CUZD1: variants seen among roughly 807,000 people sequenced by gnomAD.
CUZD1 encodes CUB and zona pellucida like domains 1, also known as CUB and zona pellucida-like domain-containing protein 1.
CUZD1 carries 42 observed loss-of-function variants against 53.1 expected under a neutral mutation model. The observed-to-expected ratio is 0.79, with a 90% CI of 0.62 to 1.02. The LOEUF is 1.02. CUZD1 is among the 50% of genes least tolerant of loss of function. The pLI is 0.00. For missense variants in CUZD1, 670 were observed against 715.7 expected (o/e 0.94, Z 0.73); for synonymous variants, 238 against 257.2 (o/e 0.93, Z 0.71).
In CUZD1 at chr10:122,834,722, C is replaced by T. The variant is rs375930865; in HGVS notation, c.1366G>A (p.Asp456Asn). 39 of 1,606,216 alleles carry T rather than the reference C, an allele frequency of 2.4e-5. No individual in the cohort carries two copies. The highest frequency in any genetic ancestry group is 3.0e-5 in the Non-Finnish European group (35 of 1,175,528). The change falls in exon 7 of 9, where the codon GAC becomes AAC. Residue 456 changes from aspartate (D) to asparagine (N), a missense_variant. Physicochemically the swap from Asp to Asn is conservative, Grantham distance 23. Transcript: ENST00000392790. The part of the protein sequence containing the change: ...PTSDFASPTY[D>N]LIKSGCSRDE... Reference sequence around the variant, plus strand: ...AATACATACCCACTCTTGATTAGGTCGTAGGTTGGAGATGCAAAGTCAGAG... The same window carrying T: ...AATACATACCCACTCTTGATTAGGTTGTAGGTTGGAGATGCAAAGTCAGAG...
rs1847379187 is a variant in CUZD1 at position 122,843,623 on chromosome 10, A to G, written c.82+2139T>C. 2.6e-5 allele frequency among the ~76,000 whole-genome samples: 4 copies of G among 152,090 alleles called. No homozygotes were observed. The South Asian group carries it at 8.3e-4, about 32-fold the overall frequency. On this transcript the variant is annotated intron_variant, in intron 1 of 8. Coordinates refer to ENST00000392790, the MANE Select transcript of CUZD1 (RefSeq NM_022034.6). ...ACTGATACATGCTACAATACATACG[A>G]ACCTTGAAAATATTATGCTAAGTGA...
chr10:122,840,700 T>C (rs1045961149), intron 2 of CUZD1, among the ~76,000 whole-genome samples: 2 of 152,166 alleles, frequency 1.3e-5, no homozygotes, highest in Non-Finnish European at 2.9e-5. Flanking sequence ...AAATAAAATC[T>C]ATAAAATAAA....
In CUZD1 at chr10:122,832,219, G is replaced by T; in HGVS notation, c.*59C>A. ...TTATTCATAATATGTGTAGCCACGAGGTAGCATTTCCTTTGGCATCCTGGA... is the reference window on the plus strand; with the variant it reads ...TTATTCATAATATGTGTAGCCACGATGTAGCATTTCCTTTGGCATCCTGGA... On this transcript the variant is annotated 3_prime_UTR_variant, in exon 9 of 9. Transcript: ENST00000392790. 1 of 1,557,126 alleles carries T rather than the reference G, an allele frequency of 6.4e-7. No homozygotes were observed. The highest frequency in any genetic ancestry group is 8.8e-7 in the Non-Finnish European group (1 of 1,133,204).
chr10:122,843,975 A>G (rs1053550987), intron 1 of CUZD1, among the ~76,000 whole-genome samples: 3 of 148,304 alleles, frequency 2.0e-5, no homozygotes, highest in African/African-American at 7.4e-5. Context: ...TATAAAGACT[A>G]TATATAGACT....
chr10:122,837,551 A>G lies in CUZD1; in HGVS notation c.452T>C (p.Ile151Thr), dbSNP rs1274404735. The change falls in exon 4 of 9, where the codon ATT becomes ACT. Residue 151 changes from isoleucine (I) to threonine (T), a missense_variant. Transcript: ENST00000392790. ...FYYFFSPNIS[I>T]PNCGGYLDTL... ...ATCCAGGTAACCGCCACAGTTTGGA[A>G]TAGCTGAAATGGATGTGAAGGTGGT... is the stretch of plus-strand genomic sequence containing the variant. 2 of 1,564,860 alleles carry G rather than the reference A, an allele frequency of 1.3e-6. No individual in the cohort carries two copies. Among genetic ancestry groups the G allele is most frequent in the African/African-American group, 1.4e-5 (1 of 73,026 alleles).
At chr10:122,843,099 T>C (rs1847369172) in intron 1 of CUZD1, among the ~76,000 whole-genome samples, 1 of 152,222 alleles carries the variant, frequency 6.6e-6, no homozygotes, top group East Asian at 1.9e-4. Flanking sequence ...CCAGCAATTC[T>C]ATTGCTAGGC....
rs942793395 is a variant in CUZD1 at position 122,833,527 on chromosome 10, T to G, written c.1651+145A>C. The G allele has an allele frequency of 1.6e-5, 13 of 794,600 alleles. No individual in the cohort carries two copies. In the African/African-American group the frequency reaches 2.1e-4, roughly 13 times the overall value. 49.2% of individuals were successfully genotyped at this position (794,600 alleles called of 1,614,324 possible). On this transcript the variant is annotated intron_variant, in intron 8 of 8. Coordinates refer to ENST00000392790, the MANE Select transcript of CUZD1 (RefSeq NM_022034.6). ...ATTATCAACTGATGGAAATAAATAC[T>G]AATCCTATATACTTAAAATTCAACT...
chr10:122,835,446 C>A (rs1056127622), intron 6 of CUZD1, among the ~76,000 whole-genome samples: 2 of 152,108 alleles, frequency 1.3e-5, no homozygotes, highest in African/African-American at 2.4e-5. Context: ...GTGTGGCTAA[C>A]TGGGCAGTTT....
chr10:122,832,982 A>G (rs1566228255), intron 8 of CUZD1, among the ~76,000 whole-genome samples: 2 of 152,322 alleles, frequency 1.3e-5, no homozygotes, highest in Non-Finnish European at 2.9e-5. Context: ...TGTTTTTGCC[A>G]TAGAAATATT....
chr10:122,843,958 TAGACTATATAA>T (rs1847389111), intron 1 of CUZD1, among the ~76,000 whole-genome samples: 1 of 147,958 alleles, frequency 6.8e-6, no homozygotes, highest in Non-Finnish European at 1.5e-5. Context: ...ACTATATATA[TAGACTATATAA>T]AGACTATATA....
chr10:122,845,365 G>A (rs1012892813), intron 1 of CUZD1, among the ~76,000 whole-genome samples: 3 of 151,982 alleles, frequency 2.0e-5, no homozygotes, highest in East Asian at 3.9e-4. Flanking sequence ...GTGAGCCACC[G>A]CCCCCAGCCA....
Position 122,832,336 on chromosome 10 carries a change from A to C in CUZD1, c.1766T>G (p.Val589Gly). 6.2e-7 allele frequency: 1 copy of C among 1,614,160 alleles called. No homozygotes were observed. Among genetic ancestry groups the C allele is most frequent in the Non-Finnish European group, 8.5e-7 (1 of 1,179,994 alleles). The change falls in exon 9 of 9, where the codon GTG becomes GGG. Residue 589 changes from valine (V) to glycine (G), a missense_variant. Transcript: ENST00000392790. ...TGCCCGTTGATTTACAAAATGCCTCACTGTGATTGTCGCTACAGTCACCAC... is the reference window on the plus strand; with the variant it reads ...TGCCCGTTGATTTACAAAATGCCTCCCTGTGATTGTCGCTACAGTCACCAC... Reference protein sequence around the residue: ...LNVVTVATITVRHFVNQRADY... With the variant: ...LNVVTVATITGRHFVNQRADY...
chr10:122,836,164 G>C lies in CUZD1; in HGVS notation c.990+14C>G. The C allele has an allele frequency of 6.3e-7, 1 of 1,591,316 alleles. No homozygotes were observed. Among genetic ancestry groups the C allele is most frequent in the Non-Finnish European group, 8.5e-7 (1 of 1,171,292 alleles). Reference sequence around the variant, plus strand: ...AGCATTTGACAAAATCCAGCTATCAGTATTTCACTTTACCTTTCTGATTGT... The same window carrying C: ...AGCATTTGACAAAATCCAGCTATCACTATTTCACTTTACCTTTCTGATTGT... On this transcript the variant is annotated intron_variant, in intron 6 of 8. Transcript: ENST00000392790.
intron 1 of CUZD1, among the ~76,000 whole-genome samples, chr10:122,841,660 G>A (rs1468221327): frequency 6.6e-6 from 1 of 152,192 alleles, no homozygotes; most frequent in African/African-American, 2.4e-5. Context: ...TATGTTAAGT[G>A]TATATTTAAC....
In CUZD1 at chr10:122,836,949, A is replaced by G. The variant is rs1252264017; in HGVS notation, c.699T>C (p.Thr233=). ...AGTTTGATGACGATTCGAAGGTGGGAGTCACACGGCCACAGACTTGTCCAA... is the reference window on the plus strand; with the variant it reads ...AGTTTGATGACGATTCGAAGGTGGGGGTCACACGGCCACAGACTTGTCCAA... ...GLIGQVCGRV[T]PTFESSSNSL... Residue 233 remains threonine (T), a synonymous_variant, in exon 5 of 9, where the codon ACT becomes ACC. Transcript: ENST00000392790. The G allele has an allele frequency of 1.2e-6, 2 of 1,613,938 alleles. No individual in the cohort carries two copies. Among genetic ancestry groups the G allele is most frequent in the African/African-American group, 1.3e-5 (1 of 74,912 alleles).
chr10:122,839,329 G>A (rs1389357474), intron 2 of CUZD1, 98 bp from the exon 3 acceptor site: 2 of 1,026,400 alleles, frequency 1.9e-6, no homozygotes, highest in African/African-American at 3.2e-5. Context: ...TTTACAAAGT[G>A]GTGGCACATC....
At position 122,835,055 on chromosome 10, in the gene CUZD1, A is replaced by T; in HGVS notation, c.1033T>A (p.Ser345Thr). 1 of 1,606,670 alleles carries T rather than the reference A, an allele frequency of 6.2e-7. No homozygotes were observed. The highest frequency in any genetic ancestry group is 1.1e-5 in the South Asian group (1 of 89,488). Residue 345 changes from serine (S) to threonine (T), a missense_variant, in exon 7 of 9, where the codon TCT becomes ACT. Transcript: ENST00000392790. ...SITYTNIITF[S>T]ASSTSEVITR... ...ATCACTTCAGAAGTTGAGGATGCAG[A>T]AAAGGTGATTATATTGGTGTAAGTA...
At chr10:122,839,939 T>C (rs1179079110) in intron 2 of CUZD1, among the ~76,000 whole-genome samples, 2 of 152,258 alleles carry the variant, frequency 1.3e-5, no homozygotes, top group Non-Finnish European at 2.9e-5. Context: ...TTTTCTCATC[T>C]GTAAAATGGG....
At chr10:122,833,631 C>G (rs1478742299) in intron 8 of CUZD1, 41 bp downstream of exon 8, 2 of 1,592,756 alleles carry the variant, frequency 1.3e-6, no homozygotes, top group African/African-American at 2.7e-5. Flanking sequence ...ATTTTATGAG[C>G]CATGATGTGC....
Sources: gnomAD v4.1 joint callset for allele counts (sites outside exome capture counted in the v4.1 genomes callset) on GRCh38, gnomAD v4.1.1 for gene constraint, MANE v1.5 for transcripts, NCBI Gene and HGNC (gene_info 2026-07-23, HGNC 2026-07-21) for gene names.